ATOSA: variants seen among roughly 807,000 people sequenced by gnomAD.
ATOSA encodes the protein atos homolog A.
chr15:52,601,225 T>G, the ATOSA span: 7 of 1,004,360 alleles, frequency 7.0e-6, no homozygotes, highest in Non-Finnish European at 1.0e-5. Context: ...TTTTCTTGAA[T>G]TGATAAAACA....
At chr15:52,703,676 A>T in the ATOSA span, among the ~76,000 whole-genome samples, 1 of 152,008 alleles carries the variant, frequency 6.6e-6, no homozygotes, top group East Asian at 1.9e-4. Context: ...TGTGGTACAC[A>T]CACCGGGGCC....
At chr15:52,680,663 G>A in the ATOSA span, among the ~76,000 whole-genome samples, 1 of 152,254 alleles carries the variant, frequency 6.6e-6, no homozygotes, top group South Asian at 2.1e-4. Flanking sequence ...TTAACTCCAC[G>A]ATTGTATCTA....
the ATOSA span, among the ~76,000 whole-genome samples, chr15:52,600,739 T>C: frequency 6.6e-6 from 1 of 150,706 alleles, no homozygotes; most frequent in African/African-American, 2.4e-5. Context: ...ATTGTGTGAC[T>C]AAAGATTATA....
At chr15:52,698,696 A>T in the ATOSA span, among the ~76,000 whole-genome samples, 1 of 152,222 alleles carries the variant, frequency 6.6e-6, no homozygotes, top group African/African-American at 2.4e-5. Context: ...AAGTCAGAAT[A>T]GTGATTAACC....
the ATOSA span, chr15:52,600,045 C>A: frequency 3.6e-6 from 2 of 551,824 alleles, no homozygotes; most frequent in African/African-American, 1.9e-5. Flanking sequence ...TTTTCACAAC[C>A]AAAGTTAAAG....
the ATOSA span, among the ~76,000 whole-genome samples, chr15:52,637,632 C>T: frequency 2.6e-5 from 4 of 152,150 alleles, no homozygotes; most frequent in Non-Finnish European, 1.5e-5. Context: ...CTTTACCTCT[C>T]TTGTTAGAAT....
chr15:52,622,755 G>C, the ATOSA span, among the ~76,000 whole-genome samples: 3 of 151,950 alleles, frequency 2.0e-5, no homozygotes, highest in African/African-American at 7.3e-5. Context: ...AGGTAGGAAC[G>C]AATGGGTCAA....
chr15:52,615,831 T>C, the ATOSA span, among the ~76,000 whole-genome samples: 1 of 152,248 alleles, frequency 6.6e-6, no homozygotes, highest in African/African-American at 2.4e-5. Flanking sequence ...AAGTACCTTC[T>C]ACACGTCAAC....
chr15:52,668,919 T>C, the ATOSA span, among the ~76,000 whole-genome samples: 1 of 151,744 alleles, frequency 6.6e-6, no homozygotes, highest in Non-Finnish European at 1.5e-5. Context: ...TTTTTTTTTT[T>C]TTTTGAGACG....
At chr15:52,649,098 A>C in the ATOSA span, among the ~76,000 whole-genome samples, 8 of 152,322 alleles carry the variant, frequency 5.3e-5, no homozygotes, top group South Asian at 1.2e-3. Flanking sequence ...CTGAAGATTA[A>C]GAAAAAAATT....
chr15:52,694,419 G>A, the ATOSA span, among the ~76,000 whole-genome samples: 2 of 152,000 alleles, frequency 1.3e-5, no homozygotes, highest in Non-Finnish European at 2.9e-5. Context: ...GCTTTCCTTG[G>A]CCTCCAAAGT....
the ATOSA span, among the ~76,000 whole-genome samples, chr15:52,601,530 A>G: frequency 2.3e-5 from 2 of 87,078 alleles, no homozygotes; most frequent in Non-Finnish European, 4.6e-5. Context: ...CTTAAAAAGG[A>G]AAAAAAAAAA....
chr15:52,704,676 C>T, the ATOSA span, among the ~76,000 whole-genome samples: 1 of 151,860 alleles, frequency 6.6e-6, no homozygotes, highest in Non-Finnish European at 1.5e-5. Flanking sequence ...AACAAAAAAC[C>T]CCATCAAAAA....
the ATOSA span, among the ~76,000 whole-genome samples, chr15:52,617,002 T>C: frequency 6.6e-6 from 1 of 152,144 alleles, no homozygotes; most frequent in Non-Finnish European, 1.5e-5. Context: ...AACTAAAGTA[T>C]ATTGTTATGA....
chr15:52,585,349 A>G, the ATOSA span: 1 of 154,540 alleles, frequency 6.5e-6, no homozygotes, highest in Non-Finnish European at 1.4e-5. Context: ...CAAACTTCTC[A>G]AAATTGAGTT....
the ATOSA span, among the ~76,000 whole-genome samples, chr15:52,622,733 G>A: frequency 6.6e-6 from 1 of 152,048 alleles, no homozygotes; most frequent in African/African-American, 2.4e-5. Context: ...AGAGCATTCT[G>A]AGCAGTGTCA....
chr15:52,656,452 A>C, the ATOSA span: 1 of 152,062 alleles, frequency 6.6e-6, no homozygotes, highest in African/African-American at 2.4e-5. Context: ...CAGCAACCAA[A>C]ATATACTGTT....
the ATOSA span, chr15:52,593,720 T>C: frequency 1.3e-6 from 2 of 1,554,238 alleles, no homozygotes; most frequent in Non-Finnish European, 1.7e-6. Context: ...ATCGAAACGA[T>C]AGTTCAAGAC....
chr15:52,628,326 T>C, the ATOSA span, among the ~76,000 whole-genome samples: 1 of 152,198 alleles, frequency 6.6e-6, no homozygotes, highest in African/African-American at 2.4e-5. Context: ...AATCCAAGTA[T>C]TTCTAGATAA....
Sources: gnomAD v4.1 joint callset for allele counts (sites outside exome capture counted in the v4.1 genomes callset) on GRCh38, gnomAD v4.1.1 for gene constraint, MANE v1.5 for transcripts, NCBI Gene and HGNC (gene_info 2026-07-23, HGNC 2026-07-21) for gene names.